ATP11B: variants seen among roughly 807,000 people sequenced by gnomAD.
ATP11B encodes phospholipid-transporting ATPase IF.
A neutral mutation model predicts 157.8 loss-of-function variants in ATP11B; 81 were observed. The observed-to-expected ratio is 0.51, with a 90% confidence interval of 0.43 to 0.62. The LOEUF (loss-of-function observed/expected upper bound fraction) is 0.62, where lower values mean the gene tolerates loss of function less well. ATP11B is among the 20% of genes least tolerant of loss of function. The pLI is 0.00. For missense variants in ATP11B, 1,165 were observed against 1,402.2 expected (o/e 0.83, Z 2.70); for synonymous variants, 451 against 469.4 (o/e 0.96, Z 0.51).
intron 9 of ATP11B, 102 bp from the exon 10 acceptor site, chr3:182,848,374 G>T: frequency 1.6e-6 from 1 of 632,620 alleles, no homozygotes; most frequent in Non-Finnish European, 2.4e-6. Context: ...TATAACAACT[G>T]TCAGACAGTA....
intron 29 of ATP11B, chr3:182,917,285 G>C (rs1725203908): frequency 1.0e-6 from 1 of 985,144 alleles, no homozygotes; most frequent in Non-Finnish European, 1.2e-6. Flanking sequence ...TCCTAATACT[G>C]TCCTTGAACT....
At chr3:182,840,198 T>A (rs1718898425) in intron 7 of ATP11B, among the ~76,000 whole-genome samples, 1 of 152,204 alleles carries the variant, frequency 6.6e-6, no homozygotes, top group Non-Finnish European at 1.5e-5. Flanking sequence ...CATTGCTTTC[T>A]CCTCTTTGAT....
At chr3:182,865,860 G>A (rs1721192392) in intron 13 of ATP11B, among the ~76,000 whole-genome samples, 162 bp downstream of exon 13, 2 of 152,166 alleles carry the variant, frequency 1.3e-5, no homozygotes, top group African/African-American at 4.8e-5. Flanking sequence ...CTAAGAATTT[G>A]TTGTTACAGC....
At chr3:182,821,343 A>G (rs1401246116) in intron 2 of ATP11B, among the ~76,000 whole-genome samples, 6 of 152,046 alleles carry the variant, frequency 3.9e-5, no homozygotes, top group Non-Finnish European at 8.8e-5. Flanking sequence ...TCCAGACCTC[A>G]TGATCCACCC....
At chr3:182,891,528 G>T (rs914227723) in intron 25 of ATP11B, among the ~76,000 whole-genome samples, 9 of 151,978 alleles carry the variant, frequency 5.9e-5, no homozygotes, top group African/African-American at 2.2e-4. Flanking sequence ...TATTAAAAAT[G>T]CTTCAAGAAC....
chr3:182,882,500 G>T (rs376539666), intron 21 of ATP11B, among the ~76,000 whole-genome samples: 49 of 151,412 alleles, frequency 3.2e-4, no homozygotes, highest in South Asian at 2.7e-3. Flanking sequence ...AAACTGGTTA[G>T]TGATTTGAAA....
At chr3:182,881,804 G>A (rs1032719935) in intron 21 of ATP11B, among the ~76,000 whole-genome samples, 2 of 151,870 alleles carry the variant, frequency 1.3e-5, no homozygotes, top group South Asian at 4.1e-4. Context: ...GAATCTTACC[G>A]TTACTCAGTG....
chr3:182,808,752 T>G (rs1716478050), intron 1 of ATP11B, among the ~76,000 whole-genome samples: 1 of 152,180 alleles, frequency 6.6e-6, no homozygotes, highest in East Asian at 1.9e-4. Context: ...TTTAGAATGG[T>G]TTTTGATTAA....
chr3:182,873,353 T>C (rs977007162), intron 18 of ATP11B, among the ~76,000 whole-genome samples: 1 of 152,192 alleles, frequency 6.6e-6, no homozygotes, highest in South Asian at 2.1e-4. Flanking sequence ...TACTTTTTGG[T>C]TGTCCTTACG....
intron 1 of ATP11B, among the ~76,000 whole-genome samples, chr3:182,795,439 G>A (rs1370545539): frequency 5.9e-5 from 9 of 152,196 alleles, no homozygotes; most frequent in Non-Finnish European, 1.3e-4. Flanking sequence ...GTATAACCAT[G>A]CTCATCTTCA....
intron 28 of ATP11B, among the ~76,000 whole-genome samples, chr3:182,902,736 A>C (rs185218174): frequency 1.3e-5 from 2 of 152,346 alleles, no homozygotes; most frequent in Admixed American, 1.3e-4. Flanking sequence ...ACCTAAAAAA[A>C]AAAATCCATT....
At chr3:182,889,195 G>A (rs1723003236) in intron 24 of ATP11B, among the ~76,000 whole-genome samples, 1 of 152,106 alleles carries the variant, frequency 6.6e-6, no homozygotes, top group Admixed American at 6.6e-5. Flanking sequence ...AAATATGTTT[G>A]AATGTAGTAT....
At chr3:182,823,549 G>A (rs576199662) in intron 2 of ATP11B, among the ~76,000 whole-genome samples, 4 of 152,226 alleles carry the variant, frequency 2.6e-5, no homozygotes, top group Admixed American at 2.0e-4. Flanking sequence ...CAGGTAGCGT[G>A]ATGTCTTCAG....
At chr3:182,835,936 G>A (rs1718514947) in intron 4 of ATP11B, 99 bp from the exon 5 acceptor site, 3 of 802,334 alleles carry the variant, frequency 3.7e-6, no homozygotes, top group South Asian at 3.7e-5. Flanking sequence ...ATTCTGGAAT[G>A]TAGTGTTCCA....
intron 28 of ATP11B, among the ~76,000 whole-genome samples, chr3:182,906,546 C>T (rs773675203): frequency 6.6e-6 from 1 of 152,106 alleles, no homozygotes; most frequent in South Asian, 2.1e-4. Flanking sequence ...CGGGCTCAAG[C>T]GGTCCTCCCA....
intron 1 of ATP11B, among the ~76,000 whole-genome samples, chr3:182,812,360 AT>A (rs1384694746): frequency 6.6e-6 from 1 of 152,108 alleles, no homozygotes; most frequent in Non-Finnish European, 1.5e-5. Flanking sequence ...GTGGAAATGT[AT>A]TTTTACCCGT....
chr3:182,865,822 A>T (rs1397979047), intron 13 of ATP11B, 124 bp downstream of exon 13: 1 of 731,522 alleles, frequency 1.4e-6, no homozygotes, highest in Non-Finnish European at 2.2e-6. Context: ...AAATTCATAT[A>T]TTTGATTCAA....
chr3:182,905,593 A>G (rs1308746208), intron 28 of ATP11B, among the ~76,000 whole-genome samples: 5 of 152,222 alleles, frequency 3.3e-5, no homozygotes, highest in Non-Finnish European at 4.4e-5. Flanking sequence ...GCACTGAAAA[A>G]TCATGGCTTT....
intron 1 of ATP11B, among the ~76,000 whole-genome samples, chr3:182,810,574 CT>C (rs1383879638): frequency 6.6e-6 from 1 of 152,076 alleles, no homozygotes; most frequent in Admixed American, 6.5e-5. Context: ...TCCCACCCTA[CT>C]TTTTTCTACC....
Sources: gnomAD v4.1 joint callset for allele counts (sites outside exome capture counted in the v4.1 genomes callset) on GRCh38, gnomAD v4.1.1 for gene constraint, MANE v1.5 for transcripts, NCBI Gene and HGNC (gene_info 2026-07-23, HGNC 2026-07-21) for gene names.